The following LPA variants were observed in gnomAD, a reference collection of about 807,000 sequenced individuals.
LPA encodes the protein lipoprotein(a).
LPA carries 199 observed loss-of-function variants against 197.9 expected under a neutral mutation model. That is an observed-to-expected ratio of 1.01 (90% confidence interval 0.90 to 1.13). The LOEUF is 1.13. Ranked by LOEUF, LPA falls within the 50% of genes most tolerant of loss-of-function variation. The probability of loss-of-function intolerance (pLI) is 0.00; values close to 1 mark genes in which losing one functional copy is unlikely to be tolerated. For synonymous variants in LPA, 715 were observed against 639.5 expected, an observed-to-expected ratio of 1.12 and a Z score of -1.78; for missense variants, 1,853 against 1,785.8, an observed-to-expected ratio of 1.04 and a Z score of -0.68.
chr6:160,540,303 A>T (rs1377249629), intron 35 of LPA, 120 bp from the exon 36 acceptor site: 1 of 1,099,870 alleles, frequency 9.1e-7, no homozygotes. Context: ...GTGACTTATG[A>T]GTGGCAAGAA....
chr6:160,594,482 A>C (rs558341664), intron 21 of LPA, among the ~76,000 whole-genome samples: 1 of 152,298 alleles, frequency 6.6e-6, no homozygotes, highest in South Asian at 2.1e-4. Context: ...GTGGTGATTG[A>C]CTGTCAGTGG....
chr6:160,607,730 C>G (rs1350743293), intron 16 of LPA, among the ~76,000 whole-genome samples: 1 of 152,118 alleles, frequency 6.6e-6, no homozygotes, highest in Non-Finnish European at 1.5e-5. Flanking sequence ...GGCCTAGTGT[C>G]AATCCCAGAC....
chr6:160,590,995 G>C lies in LPA; in HGVS notation c.3736C>G (p.Pro1246Ala). 6.2e-7 allele frequency: 1 copy of C among 1,613,990 alleles called. No homozygotes were observed. Reference protein sequence around the residue: ...RWEYCNLTQCPVTESSVLATS... With the variant: ...RWEYCNLTQCAVTESSVLATS... ...GCAAGGACACTTGATTCTGTCACTG[G>C]ACATTGTGTCAGGTTGCAGTACTCC... is the stretch of plus-strand genomic sequence containing the variant. Residue 1246 changes from proline to alanine, a missense_variant, in exon 23 of 39, where the codon CCA (proline) becomes GCA (alanine). Around this residue, in one of 3 missense-constraint regions of LPA, gnomAD observed 1,737 missense variants for 1,504.4 expected, o/e 1.15. Transcript: ENST00000316300.
At chr6:160,652,806 G>A (rs1402362873) in intron 1 of LPA, among the ~76,000 whole-genome samples, 2 of 152,026 alleles carry the variant, frequency 1.3e-5, no homozygotes, top group Non-Finnish European at 2.9e-5. Context: ...AATGATGTAA[G>A]ATTTCTATAT....
intron 24 of LPA, among the ~76,000 whole-genome samples, chr6:160,587,844 T>C (rs1778944320): frequency 6.6e-6 from 1 of 151,552 alleles, no homozygotes; most frequent in South Asian, 2.1e-4. Context: ...TTTGTGTAGC[T>C]CCTATTGAAT....
At chr6:160,545,639 G>A in intron 32 of LPA, 106 bp from the exon 33 acceptor site, 3 of 765,212 alleles carry the variant, frequency 3.9e-6, no homozygotes, top group Admixed American at 3.8e-5. Flanking sequence ...ACAAAAGGGA[G>A]CGTTCCTTCT....
At position 160,547,878 on chromosome 6, in the gene LPA, T is replaced by A; in HGVS notation, c.5215A>T (p.Thr1739Ser). ...TGGGCAGCCCATTCCTGGCATGGCG[T>A]CCCAGTAACAGTGGTTGCCTTCTTG... The part of the protein sequence containing the change: ...RGKKATTVTG[T>S]PCQEWAAQEP... The change falls in exon 32 of 39, where the codon ACG becomes TCG. Residue 1739 changes from threonine (T) to serine (S), a missense_variant. By Grantham distance (58) the Thr-to-Ser change is moderately conservative. Coordinates refer to ENST00000316300, the MANE Select transcript of LPA (RefSeq NM_005577.4). The A allele has an allele frequency of 6.2e-7, 1 of 1,614,060 alleles. No individual in the cohort carries two copies.
At position 160,559,877 on chromosome 6, in the gene LPA, G is replaced by C. The variant is rs1167273141; in HGVS notation, c.4632-2306C>G. Among the ~76,000 whole-genome samples, 5 of 152,220 alleles carry C rather than the reference G, an allele frequency of 3.3e-5. No homozygotes were observed. The East Asian group carries it at 9.6e-4, about 29-fold the overall frequency. On this transcript the variant is annotated intron_variant, in intron 28 of 38. Coordinates refer to ENST00000316300, the MANE Select transcript of LPA (RefSeq NM_005577.4). ...ACATAGGTATACACGTGTCATGGTG[G>C]TTTGCTGCACCCAGCAACCCATCAT... is the stretch of plus-strand genomic sequence containing the variant.
At chr6:160,601,826 C>A (rs190382352) in intron 18 of LPA, among the ~76,000 whole-genome samples, 1 of 152,180 alleles carries the variant, frequency 6.6e-6, no homozygotes, top group Non-Finnish European at 1.5e-5. Context: ...TGCTCTCAGT[C>A]CATCCTCTGC....
At chr6:160,605,801 G>A (rs1779337044) in intron 17 of LPA, among the ~76,000 whole-genome samples, 1 of 152,166 alleles carries the variant, frequency 6.6e-6, no homozygotes, top group African/African-American at 2.4e-5. Context: ...CTGCAGGAGA[G>A]ATGAAATCCT....
chr6:160,647,210 T>C (rs1161402977), intron 2 of LPA, among the ~76,000 whole-genome samples: 3 of 152,118 alleles, frequency 2.0e-5, no homozygotes, highest in South Asian at 2.1e-4. Flanking sequence ...TAAAGGAAGA[T>C]GGCAGGAAGA....
intron 19 of LPA, among the ~76,000 whole-genome samples, chr6:160,600,194 G>A (rs1035097866): frequency 3.3e-5 from 5 of 152,304 alleles, no homozygotes; most frequent in East Asian, 3.9e-4. Context: ...TCACTTCTCA[G>A]GGATGAGTGG....
At chr6:160,560,097 T>A (rs945262967) in intron 28 of LPA, among the ~76,000 whole-genome samples, 1 of 152,222 alleles carries the variant, frequency 6.6e-6, no homozygotes, top group Admixed American at 6.5e-5. Flanking sequence ...GCTTCATCCA[T>A]GTCCCTGCAA....
intron 28 of LPA, among the ~76,000 whole-genome samples, chr6:160,576,411 T>TAC (rs1778677742): frequency 1.3e-4 from 7 of 53,668 alleles, no homozygotes; most frequent in East Asian, 8.7e-4. Flanking sequence ...TATATATATA[T>TAC]ATATGGGTAT....
chr6:160,659,764 G>A (rs1022138423), intron 1 of LPA, among the ~76,000 whole-genome samples: 3 of 152,168 alleles, frequency 2.0e-5, no homozygotes, highest in African/African-American at 7.2e-5. Flanking sequence ...GTAGGGGCAG[G>A]GACCAGTGCA....
intron 18 of LPA, among the ~76,000 whole-genome samples, chr6:160,603,865 C>T (rs985146053): frequency 6.6e-6 from 1 of 152,132 alleles, no homozygotes; most frequent in African/African-American, 2.4e-5. Flanking sequence ...ACTAATTCTA[C>T]TCCTAAAGTA....
intron 1 of LPA, among the ~76,000 whole-genome samples, chr6:160,660,076 T>TC (rs201997609): frequency 0.062 from 7,405 of 119,900 alleles, no homozygotes; most frequent in African/African-American, 0.13. Flanking sequence ...ATGTTTCTTG[T>TC]TTCTTTAACA....
At chr6:160,535,891 G>C (rs1047799145) in intron 37 of LPA, among the ~76,000 whole-genome samples, 3 of 152,208 alleles carry the variant, frequency 2.0e-5, no homozygotes, top group Admixed American at 2.0e-4. Context: ...GCTTTCATCA[G>C]TTGAGGTATC....
intron 19 of LPA, among the ~76,000 whole-genome samples, chr6:160,600,021 G>A (rs1192144997): frequency 6.6e-6 from 1 of 152,214 alleles, no homozygotes; most frequent in Non-Finnish European, 1.5e-5. Flanking sequence ...TGGCAAAGCT[G>A]AAAAGCAAGT....
Sources: allele counts gnomAD v4.1 joint callset (sites outside exome capture counted in the v4.1 genomes callset), GRCh38; gene constraint gnomAD v4.1.1; regional missense constraint gnomAD v4.1.1; transcripts MANE v1.5; gene names NCBI Gene and HGNC (gene_info 2026-07-23, HGNC 2026-07-21).